Variants in ESRRG observed in about 807,000 individuals in gnomAD.
The protein encoded by ESRRG is estrogen-related receptor gamma.
ESRRG carries 13 observed loss-of-function variants against 44.0 expected under a neutral mutation model. The ratio of observed to expected loss-of-function variants is 0.30; its 90% CI spans 0.19 to 0.47. The LOEUF is 0.47. ESRRG is among the 20% of genes least tolerant of loss of function. The pLI is 1.00. For synonymous variants in ESRRG, 215 were observed against 214.6 expected (o/e 1.00, Z -0.02); for missense variants, 395 against 580.6 (o/e 0.68, Z 3.29).
intron 2 of ESRRG, among the ~76,000 whole-genome samples, chr1:216,928,499 A>G (rs987145283): frequency 1.3e-5 from 2 of 152,130 alleles, no homozygotes; most frequent in African/African-American, 4.8e-5. Context: ...CATTGGGAAC[A>G]TCTCCTCTTC....
intron 1 of ESRRG, among the ~76,000 whole-genome samples, chr1:217,049,445 G>T (rs1001517470): frequency 2.6e-5 from 4 of 150,988 alleles, no homozygotes; most frequent in Admixed American, 2.0e-4. Context: ...ATGTCTCTTT[G>T]AAGACCAAAG....
intron 1 of ESRRG, among the ~76,000 whole-genome samples, chr1:216,720,456 ATAAACT>A (rs2085985965): frequency 6.6e-6 from 1 of 152,150 alleles, no homozygotes; most frequent in Non-Finnish European, 1.5e-5. Flanking sequence ...ACTTGAAAAA[ATAAACT>A]TAAAGTGTCT....
intron 2 of ESRRG, among the ~76,000 whole-genome samples, chr1:216,912,272 G>C (rs1196502674): frequency 8.9e-6 from 1 of 112,512 alleles, no homozygotes; most frequent in African/African-American, 3.2e-5. Context: ...AGAGGGGAGG[G>C]GAGGAGAGGG....
At chr1:216,564,449 A>G (rs2059327984) in intron 4 of ESRRG, 69 bp from the exon 5 acceptor site, 2 of 1,274,802 alleles carry the variant, frequency 1.6e-6, no homozygotes, top group Non-Finnish European at 2.1e-6. Flanking sequence ...ACCCTAGAGC[A>G]TTTTGTGTTT....
chr1:217,133,756 G>GTTCT (rs1230573795), intron 1 of ESRRG, among the ~76,000 whole-genome samples: 3 of 149,352 alleles, frequency 2.0e-5, no homozygotes, highest in Admixed American at 6.7e-5. Flanking sequence ...ACTTTGACCT[G>GTTCT]TTCTCTCCTT....
chr1:216,793,897 G>A (rs1039926071), intron 2 of ESRRG, among the ~76,000 whole-genome samples: 5 of 150,182 alleles, frequency 3.3e-5, no homozygotes, highest in Non-Finnish European at 5.9e-5. Flanking sequence ...TCTCCTTCCT[G>A]TTTTTATCAT....
At chr1:216,887,241 C>T (rs1297343385) in intron 2 of ESRRG, among the ~76,000 whole-genome samples, 1 of 152,162 alleles carries the variant, frequency 6.6e-6, no homozygotes, top group African/African-American at 2.4e-5. Context: ...CGCTGACTCA[C>T]AGTTTAATAT....
At chr1:216,849,389 G>A (rs958495174) in intron 2 of ESRRG, among the ~76,000 whole-genome samples, 1 of 152,060 alleles carries the variant, frequency 6.6e-6, no homozygotes, top group Non-Finnish European at 1.5e-5. Context: ...CAGAAGACAA[G>A]AAATACATTA....
chr1:216,539,106 C>A (rs1322953729), intron 5 of ESRRG, among the ~76,000 whole-genome samples: 4 of 151,898 alleles, frequency 2.6e-5, no homozygotes, highest in Admixed American at 6.6e-5. Context: ...ATGAGGAAGA[C>A]CATTCTAGTT....
At chr1:217,126,158 G>A (rs1381689499) in intron 1 of ESRRG, among the ~76,000 whole-genome samples, 2 of 152,036 alleles carry the variant, frequency 1.3e-5, no homozygotes, top group African/African-American at 2.4e-5. Context: ...TAATCTCTAA[G>A]CCTCACTTTC....
At chr1:216,969,757 G>A (rs2071252330) in intron 1 of ESRRG, among the ~76,000 whole-genome samples, 1 of 151,980 alleles carries the variant, frequency 6.6e-6, no homozygotes, top group South Asian at 2.1e-4. Context: ...GGCTAATTTT[G>A]TATTTTTAGT....
At chr1:216,656,821 AT>A (rs1486706466) in intron 2 of ESRRG, among the ~76,000 whole-genome samples, 1 of 152,120 alleles carries the variant, frequency 6.6e-6, no homozygotes. Context: ...GCATCTGTAT[AT>A]TTCTCCCAAT....
intron 2 of ESRRG, among the ~76,000 whole-genome samples, chr1:216,770,347 C>T (rs2093330392): frequency 1.3e-5 from 2 of 152,074 alleles, no homozygotes; most frequent in African/African-American, 2.4e-5. Flanking sequence ...GACCAGAGAG[C>T]TAGTTCCATT....
intron 1 of ESRRG, among the ~76,000 whole-genome samples, chr1:217,009,979 C>T (rs976410415): frequency 6.6e-6 from 1 of 152,088 alleles, no homozygotes; most frequent in Admixed American, 6.5e-5. Flanking sequence ...GCTGGGATTA[C>T]AAGTGTGAGC....
At chr1:217,048,352 T>G (rs570867623) in intron 1 of ESRRG, among the ~76,000 whole-genome samples, 207 of 152,076 alleles carry the variant, frequency 1.4e-3, no homozygotes, top group African/African-American at 4.6e-3. Context: ...CATGATGCAA[T>G]AGTGTCAGAG....
chr1:216,601,096 G>A (rs759087385), intron 3 of ESRRG, among the ~76,000 whole-genome samples: 25 of 152,156 alleles, frequency 1.6e-4, no homozygotes, highest in Non-Finnish European at 3.2e-4. Flanking sequence ...CGGCAGCAGC[G>A]GGTTGGGGAG....
chr1:216,603,161 A>G (rs2059466512), intron 3 of ESRRG, among the ~76,000 whole-genome samples: 1 of 152,244 alleles, frequency 6.6e-6, no homozygotes, highest in Admixed American at 6.5e-5. Context: ...AGATGCTGAA[A>G]TGACATTTTT....
chr1:216,584,626 G>A (rs899856538), intron 3 of ESRRG, among the ~76,000 whole-genome samples: 2 of 152,106 alleles, frequency 1.3e-5, no homozygotes, highest in Admixed American at 6.5e-5. Flanking sequence ...TCCTTGCATA[G>A]CCACTACTCA....
At chr1:216,878,270 G>A (rs938478291) in intron 2 of ESRRG, among the ~76,000 whole-genome samples, 3 of 151,936 alleles carry the variant, frequency 2.0e-5, no homozygotes, top group African/African-American at 7.3e-5. Context: ...AACTGAGATT[G>A]CTATCTTTTT....
Sources: allele counts gnomAD v4.1 joint callset (sites outside exome capture counted in the v4.1 genomes callset), GRCh38; gene constraint gnomAD v4.1.1; transcripts MANE v1.5; gene names NCBI Gene and HGNC (gene_info 2026-07-23, HGNC 2026-07-21).